SGK3: variants seen among roughly 807,000 people sequenced by gnomAD.
SGK3 encodes serine/threonine-protein kinase Sgk3.
A neutral mutation model predicts 68.5 loss-of-function variants in SGK3; 47 were observed. The ratio of observed to expected loss-of-function variants is 0.69; its 90% confidence interval spans 0.54 to 0.87. The LOEUF (loss-of-function observed/expected upper bound fraction) is 0.87. SGK3 is among the 40% of genes least tolerant of loss of function. SGK3 has a pLI of 0.00. For synonymous variants in SGK3, 181 were observed against 189.1 expected, an observed-to-expected ratio of 0.96 and a Z score of 0.35; for missense variants, 479 against 575.5, an observed-to-expected ratio of 0.83 and a Z score of 1.72.
chr8:66,756,237 C>G (rs929328068), intron 1 of SGK3, among the ~76,000 whole-genome samples: 3 of 152,130 alleles, frequency 2.0e-5, no homozygotes, highest in African/African-American at 7.2e-5. Flanking sequence ...GCACATTGAT[C>G]TCAGACTTGT....
At chr8:66,838,905 G>A (rs1252010466) in intron 10 of SGK3, among the ~76,000 whole-genome samples, 2 of 152,034 alleles carry the variant, frequency 1.3e-5, no homozygotes, top group Non-Finnish European at 1.5e-5. Context: ...CTTTTTTAGA[G>A]CAAAGTAGAA....
chr8:66,845,013 A>G (rs1023706550), intron 14 of SGK3, among the ~76,000 whole-genome samples: 1 of 152,258 alleles, frequency 6.6e-6, no homozygotes, highest in African/African-American at 2.4e-5. Flanking sequence ...GAGGACTTTG[A>G]AAATATATCA....
intron 10 of SGK3, chr8:66,839,747 A>G: frequency 2.8e-6 from 1 of 359,756 alleles, no homozygotes; most frequent in Non-Finnish European, 5.0e-6. Context: ...ACATTTTTGC[A>G]TTAAGTAGTA....
chr8:66,719,892 C>T (rs1433226585), intron 1 of SGK3, among the ~76,000 whole-genome samples: 1 of 152,154 alleles, frequency 6.6e-6, no homozygotes, highest in African/African-American at 2.4e-5. Flanking sequence ...GTATATCCTT[C>T]TAGGCTTTTA....
At chr8:66,765,820 T>G (rs1255967266) in intron 1 of SGK3, among the ~76,000 whole-genome samples, 1 of 152,054 alleles carries the variant, frequency 6.6e-6, no homozygotes, top group Non-Finnish European at 1.5e-5. Context: ...GGTCAGGAGT[T>G]TGAGACCAGC....
At chr8:66,813,402 TAATC>T (rs755885512) in intron 4 of SGK3, among the ~76,000 whole-genome samples, 1 of 152,164 alleles carries the variant, frequency 6.6e-6, no homozygotes, top group Non-Finnish European at 1.5e-5. Context: ...GTTAACCAAT[TAATC>T]ATTATTGCCC....
chr8:66,804,858 G>T (rs145674455), intron 4 of SGK3, among the ~76,000 whole-genome samples: 3 of 152,268 alleles, frequency 2.0e-5, no homozygotes, highest in African/African-American at 7.2e-5. Context: ...GGAGGCCAAG[G>T]CAGGAGGATC....
intron 1 of SGK3, among the ~76,000 whole-genome samples, chr8:66,748,640 G>T (rs1805717952): frequency 6.6e-6 from 1 of 152,126 alleles, no homozygotes; most frequent in African/African-American, 2.4e-5. Flanking sequence ...GGCCAGCAGT[G>T]CCTTGGATTC....
chr8:66,815,077 A>G (rs933436892), intron 5 of SGK3, among the ~76,000 whole-genome samples: 6 of 152,192 alleles, frequency 3.9e-5, no homozygotes, highest in Non-Finnish European at 7.3e-5. Flanking sequence ...AACATTGAAG[A>G]ACTGTATTTT....
At chr8:66,824,813 C>A (rs1199668766) in intron 6 of SGK3, among the ~76,000 whole-genome samples, 1 of 152,082 alleles carries the variant, frequency 6.6e-6, no homozygotes, top group Non-Finnish European at 1.5e-5. Context: ...AAAACATATG[C>A]ATATTCACAC....
At chr8:66,816,397 G>A (rs1413856156) in intron 5 of SGK3, among the ~76,000 whole-genome samples, 3 of 141,158 alleles carry the variant, frequency 2.1e-5, no homozygotes, top group Non-Finnish European at 4.6e-5. Context: ...CCAGGCTGGA[G>A]TGCAGTGGCG....
At chr8:66,826,249 G>C (rs1022653873) in intron 6 of SGK3, among the ~76,000 whole-genome samples, 26 of 152,080 alleles carry the variant, frequency 1.7e-4, no homozygotes, top group African/African-American at 6.0e-4. Flanking sequence ...GGGATTACAG[G>C]TGTGAGCCAC....
At chr8:66,771,412 C>T (rs1194105278) in intron 1 of SGK3, among the ~76,000 whole-genome samples, 1 of 152,184 alleles carries the variant, frequency 6.6e-6, no homozygotes, top group Non-Finnish European at 1.5e-5. Flanking sequence ...AATCAGTTTT[C>T]ACTCTTACTT....
chr8:66,843,462 C>T lies in SGK3; in HGVS notation c.989C>T (p.Pro330Leu). 1 of 1,613,344 alleles carries T rather than the reference C, an allele frequency of 6.2e-7. No individual in the cohort carries two copies. Reference sequence around the variant, plus strand: ...TATTGTTTTCTATAGTATCTTGCACCTGAAGTAATTAGAAAACAGCCCTAT... The same window carrying T: ...TATTGTTTTCTATAGTATCTTGCACTTGAAGTAATTAGAAAACAGCCCTAT... ...TFCGTPEYLA[P>L]EVIRKQPYDN... The change falls in exon 14 of 17, where the codon CCT (proline) becomes CTT (leucine). Residue 330 changes from proline to leucine, a missense_variant. Pro to Leu is a moderately conservative substitution (Grantham distance 98). Around this residue, in one of 3 missense-constraint regions of SGK3, gnomAD observed 173 missense variants for 214.3 expected, o/e 0.81. Transcript: ENST00000521198.
intron 1 of SGK3, among the ~76,000 whole-genome samples, chr8:66,786,540 C>T (rs1424823840): frequency 6.6e-6 from 1 of 152,198 alleles, no homozygotes; most frequent in African/African-American, 2.4e-5. Context: ...TGATGTGGTA[C>T]AGCAAACATG....
intron 8 of SGK3, among the ~76,000 whole-genome samples, chr8:66,832,631 AT>A (rs1809347555): frequency 6.6e-6 from 1 of 152,038 alleles, no homozygotes; most frequent in South Asian, 2.1e-4. Context: ...AAACAAAAGC[AT>A]TGTGGCACAT....
Position 66,843,551 on chromosome 8 carries a change from T to A in SGK3, c.1074+4T>A, listed in dbSNP as rs1344533004. 6.2e-7 allele frequency: 1 copy of A among 1,611,864 alleles called. No homozygotes were observed. The highest frequency in any genetic ancestry group is 1.3e-5 in the African/African-American group (1 of 74,868). On this transcript the variant is annotated splice_donor_region_variant and intron_variant, in intron 14 of 16. Coordinates refer to ENST00000521198, the MANE Select transcript of SGK3 (RefSeq NM_001033578.3). The stretch of plus-strand genomic sequence containing the variant: ...GTATGAAATGCTGTATGGATTGGTA[T>A]GTATTTCTATACCTCATTATTCCAA...
At chr8:66,771,227 A>G (rs1806501744) in intron 1 of SGK3, among the ~76,000 whole-genome samples, 1 of 150,678 alleles carries the variant, frequency 6.6e-6, no homozygotes, top group African/African-American at 2.4e-5. Context: ...CACTCTATAA[A>G]TGAAGTGTGA....
chr8:66,819,702 C>T (rs1482698518), intron 5 of SGK3, among the ~76,000 whole-genome samples: 1 of 152,092 alleles, frequency 6.6e-6, no homozygotes, highest in Non-Finnish European at 1.5e-5. Flanking sequence ...TTGAAAATCC[C>T]CACCCCTACA....
Sources: allele counts gnomAD v4.1 joint callset (sites outside exome capture counted in the v4.1 genomes callset), GRCh38; gene constraint gnomAD v4.1.1; regional missense constraint gnomAD v4.1.1; transcripts MANE v1.5; gene names NCBI Gene and HGNC (gene_info 2026-07-23, HGNC 2026-07-21).